TRIM63: variants seen among roughly 807,000 people sequenced by gnomAD.
TRIM63 encodes the protein tripartite motif containing 63, also known as E3 ubiquitin-protein ligase TRIM63.
A neutral mutation model predicts 46.0 loss-of-function variants in TRIM63; 48 were observed. The observed-to-expected ratio is 1.04, with a 90% CI of 0.83 to 1.33. The LOEUF (loss-of-function observed/expected upper bound fraction) is 1.33. Ranked by LOEUF, TRIM63 falls within the 40% of genes most tolerant of loss-of-function variation. TRIM63 has a pLI of 0.00. For missense variants in TRIM63, 455 were observed against 441.2 expected, an observed-to-expected ratio of 1.03 and a Z score of -0.28; for synonymous variants, 175 against 162.8, an observed-to-expected ratio of 1.08 and a Z score of -0.57.
chr1:26,052,748 TG>T (rs2050533926), intron 8 of TRIM63, among the ~76,000 whole-genome samples: 31 of 151,934 alleles, frequency 2.0e-4, no homozygotes. Flanking sequence ...ATTACAGGCG[TG>T]AGCCACCATG....
chr1:26,057,857 C>T (rs2050586777), intron 5 of TRIM63, among the ~76,000 whole-genome samples: 1 of 152,156 alleles, frequency 6.6e-6, no homozygotes. Flanking sequence ...CACCCTAGGA[C>T]CCACTGTCTT....
In TRIM63 at chr1:26,055,817, C is replaced by T. The variant is rs528027154; in HGVS notation, c.979+1386G>A. Among the ~76,000 whole-genome samples the T allele has an allele frequency of 1.2e-4, 18 of 152,228 alleles. No individual in the cohort carries two copies. The South Asian group carries it at 3.7e-3, about 32-fold the overall frequency. ...TGAGTCACTGTGCCTGGCTGACCCACTCTTGAATATCTTAGCTTAGGGAAG... is the reference window on the plus strand; with the variant it reads ...TGAGTCACTGTGCCTGGCTGACCCATTCTTGAATATCTTAGCTTAGGGAAG... On this transcript the variant is annotated intron_variant, in intron 7 of 8. Coordinates refer to ENST00000374272, the MANE Select transcript of TRIM63 (RefSeq NM_032588.4).
At chr1:26,062,461 C>A (rs1339974245) in intron 2 of TRIM63, among the ~76,000 whole-genome samples, 7 of 152,134 alleles carry the variant, frequency 4.6e-5, no homozygotes, top group Non-Finnish European at 1.0e-4. Context: ...AGCTGTATGG[C>A]CTTGGATAAA....
chr1:26,060,825 G>T (rs1009906402), intron 3 of TRIM63, among the ~76,000 whole-genome samples: 1 of 152,184 alleles, frequency 6.6e-6, no homozygotes, highest in African/African-American at 2.4e-5. Context: ...TGCTGTGGGG[G>T]AATGTGAAGT....
chr1:26,066,419 T>C lies in TRIM63; in HGVS notation c.181A>G (p.Ser61Gly), dbSNP rs2050678853. The change falls in exon 2 of 9, where the codon AGC (serine) becomes GGC (glycine). Residue 61 changes from serine to glycine, a missense_variant. Ser to Gly is a moderately conservative substitution (Grantham distance 56). Coordinates refer to ENST00000374272, the MANE Select transcript of TRIM63 (RefSeq NM_032588.4). Reference sequence around the variant, plus strand: ...GACATGGACACTGAGCTGCCCCGGCTGGTCCAGTAGGGATTTGCAGCCTGC... The same window carrying C: ...GACATGGACACTGAGCTGCCCCGGCCGGTCCAGTAGGGATTTGCAGCCTGC... Reference protein sequence around the residue: ...IFQAANPYWTSRGSSVSMSGG... With the variant: ...IFQAANPYWTGRGSSVSMSGG... 1.2e-6 allele frequency: 2 copies of C among 1,602,124 alleles called. No individual in the cohort carries two copies. Among genetic ancestry groups the C allele is most frequent in the Non-Finnish European group, 1.7e-6 (2 of 1,173,286 alleles).
At chr1:26,065,264 TC>T (rs1252805104) in intron 2 of TRIM63, among the ~76,000 whole-genome samples, 1 of 151,992 alleles carries the variant, frequency 6.6e-6, no homozygotes, top group Non-Finnish European at 1.5e-5. Flanking sequence ...CCTCGAATGA[TC>T]CACACACCTT....
At chr1:26,066,529 C>T in intron 1 of TRIM63, 89 bp from the exon 2 acceptor site, 1 of 1,255,386 alleles carries the variant, frequency 8.0e-7, no homozygotes, top group Non-Finnish European at 1.1e-6. Context: ...CTCTGCCTAT[C>T]CGAACCACCC....
In TRIM63 at chr1:26,066,275, A is replaced by T. The variant is rs770729739; in HGVS notation, c.325T>A (p.Cys109Ser). ...ENIIDIYKQE[C>S]SSRPLQKGSH... is the part of the protein sequence containing the mutation. Reference sequence around the variant, plus strand: ...GCAGGCACGAGAACCGACCTGGAGCACTCCTGTTTGTAGATGTCGATGATG... The same window carrying T: ...GCAGGCACGAGAACCGACCTGGAGCTCTCCTGTTTGTAGATGTCGATGATG... The change falls in exon 2 of 9, where the codon TGC becomes AGC. Residue 109 changes from cysteine to serine, a missense_variant. Cys to Ser is a moderately radical substitution (Grantham distance 112). Transcript: ENST00000374272. 8.1e-6 allele frequency: 13 copies of T among 1,613,456 alleles called. No individual in the cohort carries two copies. The highest frequency in any genetic ancestry group is 1.7e-6 in the Non-Finnish European group (2 of 1,179,910).
At chr1:26,052,526 G>A (rs1303977629) in intron 8 of TRIM63, among the ~76,000 whole-genome samples, 3 of 152,120 alleles carry the variant, frequency 2.0e-5, no homozygotes, top group Admixed American at 6.5e-5. Context: ...GTGAAGTGGC[G>A]TGATCTCGGC....
At position 26,057,633 on chromosome 1, in the gene TRIM63, G is replaced by C. The variant is rs756792623; in HGVS notation, c.849C>G (p.Ile283Met). The change falls in exon 6 of 9, where the codon ATC (isoleucine) becomes ATG (methionine). Residue 283 changes from isoleucine (I) to methionine (M), a missense_variant. Coordinates refer to ENST00000374272, the MANE Select transcript of TRIM63 (RefSeq NM_032588.4). ...ATFLLTAKQLIKSIVEASKGC... is the reference protein window; with the variant it reads ...ATFLLTAKQLMKSIVEASKGC... ...GCCTCTAGGAAGACACTGACCTTTT[G>C]ATGAGTTGCTTGGCAGTCTGCAGGG... The C allele has an allele frequency of 1.2e-5, 19 of 1,610,572 alleles. No homozygotes were observed. The highest frequency in any genetic ancestry group is 3.4e-5 in the Admixed American group (2 of 59,616).
chr1:26,066,758 C>T (rs1001714510), intron 1 of TRIM63, among the ~76,000 whole-genome samples: 29 of 152,244 alleles, frequency 1.9e-4, no homozygotes, highest in African/African-American at 7.0e-4. Flanking sequence ...AGAGCAAGCT[C>T]CTAAGGCTGC....
At chr1:26,052,888 CA>C (rs2050535061) in intron 8 of TRIM63, among the ~76,000 whole-genome samples, 1 of 152,124 alleles carries the variant, frequency 6.6e-6, no homozygotes, top group East Asian at 1.9e-4. Context: ...ATTCTTAGTT[CA>C]AATCTCCTTT....
At chr1:26,058,320 G>A in intron 5 of TRIM63, 70 bp downstream of exon 5, 1 of 1,379,990 alleles carries the variant, frequency 7.2e-7, no homozygotes, top group Admixed American at 1.8e-5. Flanking sequence ...GGTCAGTGGG[G>A]AAGCATAACT....
chr1:26,052,565 C>G (rs746694612), intron 8 of TRIM63, among the ~76,000 whole-genome samples: 1 of 152,120 alleles, frequency 6.6e-6, no homozygotes, highest in Non-Finnish European at 1.5e-5. Flanking sequence ...CCCTGGGGTT[C>G]TAGCGATTCT....
In TRIM63 at chr1:26,060,315, C is replaced by T. The variant is rs139003247; in HGVS notation, c.548G>A (p.Arg183His). ...CISMLVAGND[R>H]VQTIITQLED... ...CAGCTGAGTGATGATGGTCTGCACA[C>T]GGTCATTCCCCGCCACCAGCATGGA... The change falls in exon 4 of 9, where the codon CGT becomes CAT. Residue 183 changes from arginine (R) to histidine (H), a missense_variant. Transcript: ENST00000374272. 74 of 1,614,066 alleles carry T rather than the reference C, an allele frequency of 4.6e-5. No homozygotes were observed. Among genetic ancestry groups the T allele is most frequent in the African/African-American group, 2.4e-4 (18 of 75,032 alleles).
intron 4 of TRIM63, 30 bp downstream of exon 4, chr1:26,060,236 T>C (rs1461554200): frequency 6.2e-7 from 1 of 1,600,862 alleles, no homozygotes; most frequent in East Asian, 2.2e-5. Flanking sequence ...AAGCTCCAAA[T>C]CCCCAGGCAG....
At chr1:26,054,794 C>G (rs1486279601) in intron 7 of TRIM63, among the ~76,000 whole-genome samples, 3 of 151,912 alleles carry the variant, frequency 2.0e-5, no homozygotes. Flanking sequence ...TGGTAAAACC[C>G]TGTCTCTACT....
chr1:26,061,389 C>T (rs1304301896), intron 2 of TRIM63, 55 bp from the exon 3 acceptor site: 2 of 1,580,490 alleles, frequency 1.3e-6, no homozygotes, highest in Non-Finnish European at 8.6e-7. Context: ...GCATCCCCCT[C>T]CCCAGCTCCA....
rs12057192 is a variant in TRIM63, at chr1:26,066,480, A to C, written c.160-40T>G. 8,372 of 1,497,416 alleles carry C rather than the reference A, an allele frequency of 5.6e-3. 383 individuals carry two copies. In the African/African-American group the frequency reaches 0.1, roughly 18 times the overall value. 92.8% of individuals were successfully genotyped at this position (1,497,416 alleles called of 1,614,324 possible). A position where few individuals can be genotyped will look rare whatever the true frequency, so the allele number is the denominator to read the frequency against. On this transcript the variant is annotated intron_variant, in intron 1 of 8. Coordinates refer to ENST00000374272, the MANE Select transcript of TRIM63 (RefSeq NM_032588.4). ...GGTCAAGGTGAGGCCTGGGCTCCCT[A>C]CTTAGCCCTTCTCTTTTCTAATCTC...
Sources: allele counts gnomAD v4.1 joint callset (sites outside exome capture counted in the v4.1 genomes callset), GRCh38; gene constraint gnomAD v4.1.1; transcripts MANE v1.5; gene names NCBI Gene and HGNC (gene_info 2026-07-23, HGNC 2026-07-21).